Variants in TRRAP observed in about 807,000 individuals in gnomAD.
TRRAP encodes the protein transformation/transcription domain-associated protein.
In TRRAP, 41 loss-of-function variants were observed where a neutral mutation model predicts 438.8. That is an observed-to-expected ratio of 0.09 (90% confidence interval 0.07 to 0.12). The LOEUF is 0.12. TRRAP is among the 10% of genes least tolerant of loss of function. The pLI, the probability that TRRAP is intolerant of heterozygous loss-of-function variation, is 1.00. For missense variants in TRRAP, 3,122 were observed against 5,055.1 expected (o/e 0.62, Z 11.60); for synonymous variants, 1,994 against 1,962.9 (o/e 1.02, Z -0.42).
In TRRAP at chr7:98,970,130, G is replaced by A. The variant is rs1274192243; in HGVS notation, c.7531G>A (p.Glu2511Lys). Residue 2511 changes from glutamate (E) to lysine (K), a missense_variant, in exon 52 of 73, where the codon GAG becomes AAG. Physicochemically the swap from Glu to Lys is moderately conservative, Grantham distance 56. Transcript: ENST00000456197. ...CTTGCAGCTGCTTCTGGCCGTGTGT[G>A]AGAAGAGCACCCCCATTGGCACCAG... ...QCIELLLAVCEKSTPIGTSCQ... is the reference protein window; with the variant it reads ...QCIELLLAVCKKSTPIGTSCQ... 6.2e-7 allele frequency: 1 copy of A among 1,613,858 alleles called. No individual in the cohort carries two copies. Among genetic ancestry groups the A allele is most frequent in the Non-Finnish European group, 8.5e-7 (1 of 1,179,982 alleles).
chr7:98,909,858 G>T (rs1257241476), intron 14 of TRRAP, among the ~76,000 whole-genome samples, 198 bp from the exon 15 acceptor site: 1 of 152,162 alleles, frequency 6.6e-6, no homozygotes, highest in South Asian at 2.1e-4. Context: ...AGTTTTGTTG[G>T]GTTGGTGCGA....
chr7:98,922,464 G>C (rs1230408317), intron 21 of TRRAP, among the ~76,000 whole-genome samples: 4 of 152,128 alleles, frequency 2.6e-5, no homozygotes, highest in African/African-American at 9.7e-5. Flanking sequence ...CCTGCCTGCT[G>C]CCTTTGCCCT....
intron 18 of TRRAP, among the ~76,000 whole-genome samples, chr7:98,913,547 C>G (rs2283013): frequency 0.7 from 106,390 of 152,048 alleles, 41,739 homozygotes; most frequent in South Asian, 0.88. Flanking sequence ...CTTGGCCTCT[C>G]AAAGTGCTGG....
At chr7:98,993,440 G>C in intron 65 of TRRAP, 98 bp from the exon 66 acceptor site, 1 of 1,319,156 alleles carries the variant, frequency 7.6e-7, no homozygotes, top group Non-Finnish European at 1.0e-6. Context: ...CACGCCGGCA[G>C]GAACCAGCGC....
chr7:98,924,601 A>G lies in TRRAP; in HGVS notation c.2824-511A>G, dbSNP rs1789946099. Reference sequence around the variant, plus strand: ...CTACTCGGGAGGCTGAGGCAGGAGAATGGCGTGAACCCGGGAGGCAGAGCT... The same window carrying G: ...CTACTCGGGAGGCTGAGGCAGGAGAGTGGCGTGAACCCGGGAGGCAGAGCT... On this transcript the variant is annotated intron_variant, in intron 21 of 72. Coordinates refer to ENST00000456197, the MANE Select transcript of TRRAP (RefSeq NM_001375524.1). Among the ~76,000 whole-genome samples the G allele has an allele frequency of 2.7e-5, 4 of 148,260 alleles. No homozygotes were observed. In the South Asian group the frequency reaches 8.7e-4, roughly 32 times the overall value.
rs1239202787 is a variant in TRRAP at position 98,955,178 on chromosome 7, G to A, written c.5811G>A (p.Ala1937=). ...VRQAMAILTP[A]VPARMEDGHQ... is the part of the protein sequence containing the mutation. Reference sequence around the variant, plus strand: ...AGGCGATGGCCATTCTGACCCCGGCGGTGCCGGCCAGGATGGAGGACGGGC... The same window carrying A: ...AGGCGATGGCCATTCTGACCCCGGCAGTGCCGGCCAGGATGGAGGACGGGC... Residue 1937 remains alanine, a synonymous_variant, in exon 41 of 73, where the codon GCG becomes GCA. Coordinates refer to ENST00000456197, the MANE Select transcript of TRRAP (RefSeq NM_001375524.1). The A allele has an allele frequency of 5.6e-6, 9 of 1,614,084 alleles. No individual in the cohort carries two copies. The highest frequency in any genetic ancestry group is 2.7e-5 in the African/African-American group (2 of 74,930).
At position 98,879,453 on chromosome 7, in the gene TRRAP, G is replaced by C. The variant is rs112466640; in HGVS notation, c.-62+816G>C. 5.1e-3 allele frequency among the ~76,000 whole-genome samples: 780 copies of C among 152,098 alleles called. 3 individuals are homozygous for C. Among genetic ancestry groups the C allele is most frequent in the African/African-American group, 0.017 (713 of 41,496 alleles). On this transcript the variant is annotated intron_variant, in intron 1 of 72. Coordinates refer to ENST00000456197, the MANE Select transcript of TRRAP (RefSeq NM_001375524.1). ...GAGAGGCCGTGACTTCCGAGTCTTGGGTACCCTGGGATGGGGATGGGCAAG... is the reference window on the plus strand; with the variant it reads ...GAGAGGCCGTGACTTCCGAGTCTTGCGTACCCTGGGATGGGGATGGGCAAG...
chr7:99,007,019 G>C (rs1024230062), intron 69 of TRRAP, among the ~76,000 whole-genome samples: 13 of 152,208 alleles, frequency 8.5e-5, no homozygotes, highest in African/African-American at 2.7e-4. Flanking sequence ...TTAGCATCCT[G>C]TCTGGCAGGT....
intron 58 of TRRAP, among the ~76,000 whole-genome samples, chr7:98,979,691 A>G (rs1482009980): frequency 6.6e-6 from 1 of 152,178 alleles, no homozygotes; most frequent in Non-Finnish European, 1.5e-5. Context: ...CCTTAGCTGG[A>G]TATATGCAGC....
chr7:99,011,508 C>G lies in TRRAP; in HGVS notation c.11310C>G (p.Ala3770=). 1 of 1,614,110 alleles carries G rather than the reference C, an allele frequency of 6.2e-7. No individual in the cohort carries two copies. The highest frequency in any genetic ancestry group is 8.5e-7 in the Non-Finnish European group (1 of 1,180,004). The change falls in exon 72 of 73, where the codon GCC becomes GCG. Residue 3770 remains alanine (A), a synonymous_variant. Coordinates refer to ENST00000456197, the MANE Select transcript of TRRAP (RefSeq NM_001375524.1). The surrounding 1 kb of genome is among the most constrained non-coding windows in gnomAD (Gnocchi z 7.1). ...GPLTASMIAV[A]RCFAQPNFKV... is the part of the protein sequence containing the mutation. ...TGACAGCGTCCATGATTGCGGTCGC[C>G]CGGTGCTTCGCCCAGCCAAACTTTA...
intron 49 of TRRAP, 36 bp downstream of exon 49, chr7:98,965,931 C>T: frequency 1.9e-6 from 3 of 1,606,344 alleles, no homozygotes; most frequent in Non-Finnish European, 2.6e-6. Context: ...ATCTCCCTTT[C>T]AATAAAAGAA....
rs1404700012 is a variant in TRRAP, at chr7:99,011,375, T to A, written c.11177T>A (p.Phe3726Tyr). ...AAACTGAATGTTGCCTACTTTCGAT[T>A]TGACATAAACGACGCGACTGGAGAC... ...TGKLNVAYFR[F>Y]DINDATGDLD... The change falls in exon 72 of 73, where the codon TTT becomes TAT. Residue 3726 changes from phenylalanine to tyrosine, a missense_variant. This residue lies in a region of TRRAP where 192 missense variants were observed against 355.6 expected (regional missense o/e 0.54). Coordinates refer to ENST00000456197, the MANE Select transcript of TRRAP (RefSeq NM_001375524.1). The surrounding 1 kb of genome is among the most constrained non-coding windows in gnomAD (Gnocchi z 7.1). 8.7e-6 allele frequency: 14 copies of A among 1,614,218 alleles called. No homozygotes were observed. Among genetic ancestry groups the A allele is most frequent in the Non-Finnish European group, 1.2e-5 (14 of 1,180,024 alleles).
At chr7:98,930,584 AAAC>A in intron 24 of TRRAP, 46 bp from the exon 25 acceptor site, 3 of 1,604,142 alleles carry the variant, frequency 1.9e-6, no homozygotes, top group Non-Finnish European at 2.6e-6. Context: ...GTCTCAAAAA[AAAC>A]AAGAATTGCA....
chr7:98,943,671 T>G (rs529721138), intron 31 of TRRAP, among the ~76,000 whole-genome samples: 1 of 152,392 alleles, frequency 6.6e-6, no homozygotes, highest in African/African-American at 2.4e-5. Context: ...CTCTTAAGAA[T>G]GCATGCTTTC....
chr7:98,894,400 T>C (rs2116317001), intron 6 of TRRAP, among the ~76,000 whole-genome samples: 1 of 152,326 alleles, frequency 6.6e-6, no homozygotes, highest in East Asian at 1.9e-4. Flanking sequence ...AGTATACATT[T>C]ACCATAATTA....
chr7:98,957,942 T>TG (rs1554420240), intron 43 of TRRAP, 39 bp from the exon 44 acceptor site: 2 of 1,580,670 alleles, frequency 1.3e-6, no homozygotes, highest in Non-Finnish European at 8.7e-7. Flanking sequence ...AAATTAGTGT[T>TG]GCGATTCTCT....
intron 50 of TRRAP, 98 bp from the exon 51 acceptor site, chr7:98,967,387 C>A: frequency 7.1e-7 from 1 of 1,415,918 alleles, no homozygotes; most frequent in Non-Finnish European, 9.7e-7. Context: ...TTCATAGTGG[C>A]ATTTCAGCAA....
chr7:98,964,557 A>C, intron 47 of TRRAP, 72 bp from the exon 48 acceptor site: 1 of 1,549,008 alleles, frequency 6.5e-7, no homozygotes, highest in Non-Finnish European at 8.8e-7. Flanking sequence ...GTTTTGAATA[A>C]TGTGTTGCTT....
Position 98,906,171 on chromosome 7 carries a change from T to G in TRRAP, c.1037-6T>G. Reference sequence around the variant, plus strand: ...GTGATCTGTGCAATGGATGTTTGTCTTCTAGAGTTCATTCCTTGCATGGAC... The same window carrying G: ...GTGATCTGTGCAATGGATGTTTGTCGTCTAGAGTTCATTCCTTGCATGGAC... On this transcript the variant is annotated splice_region_variant and splice_polypyrimidine_tract_variant and intron_variant, in intron 12 of 72. Transcript: ENST00000456197. 6.2e-7 allele frequency: 1 copy of G among 1,613,412 alleles called. No individual in the cohort carries two copies. The highest frequency in any genetic ancestry group is 8.5e-7 in the Non-Finnish European group (1 of 1,179,486).
Sources: allele counts gnomAD v4.1 joint callset (sites outside exome capture counted in the v4.1 genomes callset), GRCh38; gene constraint gnomAD v4.1.1; regional missense constraint gnomAD v4.1.1; non-coding constraint Gnocchi (gnomAD v3.1); transcripts MANE v1.5; gene names NCBI Gene and HGNC (gene_info 2026-07-23, HGNC 2026-07-21).